RRP7A: variants seen among roughly 807,000 people sequenced by gnomAD.
RRP7A encodes ribosomal RNA processing 7 homolog A, also known as ribosomal RNA-processing protein 7 homolog A.
Under a neutral mutation model 38.4 loss-of-function variants are expected in RRP7A, and 27 were observed. The ratio of observed to expected loss-of-function variants is 0.70; its 90% CI spans 0.52 to 0.97. The LOEUF is 0.97. Ranked by LOEUF, RRP7A falls within the 50% of genes least tolerant of loss-of-function variation. RRP7A has a pLI of 0.00. For missense variants in RRP7A, 327 were observed against 375.4 expected (o/e 0.87, Z 1.07); for synonymous variants, 124 against 150.3 (o/e 0.83, Z 1.28).
At chr22:42,513,711 A>C (rs1410607222) in intron 6 of RRP7A, among the ~76,000 whole-genome samples, 22 of 148,138 alleles carry the variant, frequency 1.5e-4, no homozygotes, top group African/African-American at 5.2e-4. Context: ...ACACACACAC[A>C]CACCCACCAC....
chr22:42,512,817 T>C lies in RRP7A; in HGVS notation c.*93A>G. On this transcript the variant is annotated 3_prime_UTR_variant, in exon 7 of 7. Transcript: ENST00000323013. ...CGGTGGCCTTCAACCTGGGGCCCGT[T>C]GGCCAGAGCTCGGCCTCTCAGAGAC... 4 of 1,340,170 alleles carry C rather than the reference T, an allele frequency of 3.0e-6. No individual in the cohort carries two copies. Among genetic ancestry groups the C allele is most frequent in the Non-Finnish European group, 4.2e-6 (4 of 950,068 alleles). 83.0% of individuals were successfully genotyped at this position (1,340,170 alleles called of 1,614,324 possible).
At chr22:42,516,528 G>A in intron 2 of RRP7A, 1 of 360,994 alleles carries the variant, frequency 2.8e-6, no homozygotes, top group East Asian at 7.4e-5. Context: ...GGCCAGGCTG[G>A]TCTTGAACTC....
In RRP7A at chr22:42,510,757, C is replaced by A. The variant is rs188762316; in HGVS notation, c.*2153G>T. 72 of 1,471,944 alleles carry A rather than the reference C, an allele frequency of 4.9e-5. 1 individual carries two copies. The South Asian group carries it at 6.6e-4, about 13-fold the overall frequency. The allele number at this position is 1,471,944 out of a possible 1,614,324, so 91.2% of individuals were successfully genotyped here. A position where few individuals can be genotyped will look rare whatever the true frequency, so the allele number is the denominator to read the frequency against. The stretch of plus-strand genomic sequence containing the variant: ...GGGGCTCAGGCAGCTGGTGTCCAGC[C>A]ACTGTCGCCCACTCTGGTCCCACCT... On this transcript the variant is annotated 3_prime_UTR_variant, in exon 7 of 7. Coordinates refer to ENST00000323013, the MANE Select transcript of RRP7A (RefSeq NM_015703.5).
intron 6 of RRP7A, 111 bp downstream of exon 6, chr22:42,513,995 C>G (rs369818626): frequency 1.1e-6 from 1 of 926,462 alleles, no homozygotes; most frequent in Non-Finnish European, 1.6e-6. Flanking sequence ...GGGACGCCCT[C>G]CCTCCTCGAC....
In RRP7A at chr22:42,519,762, C is replaced by T. The variant is rs760322405; in HGVS notation, c.25G>A (p.Ala9Thr). MVARRRKC[A>T]ARDPEDRIPS... is the part of the protein sequence containing the mutation. ...ATACGGTCCTCCGGGTCCCGCGCGG[C>T]GCACTTCCTCCTGCGCGCCACCATC... The change falls in exon 1 of 7, where the codon GCC becomes ACC. Residue 9 changes from alanine (A) to threonine (T), a missense_variant. Transcript: ENST00000323013. The T allele has an allele frequency of 3.4e-6, 5 of 1,451,148 alleles. No homozygotes were observed. The highest frequency in any genetic ancestry group is 4.5e-6 in the Non-Finnish European group (5 of 1,103,494). 89.9% of individuals were successfully genotyped at this position (1,451,148 alleles called of 1,614,324 possible).
chr22:42,516,039 G>C lies in RRP7A; in HGVS notation c.314C>G (p.Ser105Trp). The C allele has an allele frequency of 6.2e-7, 1 of 1,606,116 alleles. No homozygotes were observed. Among genetic ancestry groups the C allele is most frequent in the Non-Finnish European group, 8.5e-7 (1 of 1,175,194 alleles). ...AACTGGCTTGGGATGAAAAAACTTC[G>C]ACCTTGACTCCTTTGGGCTCTCAGC... ...DLAESPKESRSKFFHPKPVPG... is the reference protein window; with the variant it reads ...DLAESPKESRWKFFHPKPVPG... Residue 105 changes from serine to tryptophan, a missense_variant, in exon 3 of 7, where the codon TCG (serine) becomes TGG (tryptophan). By Grantham distance (177) the Ser-to-Trp change is radical (BLOSUM62 -3). This residue lies in a region of RRP7A where 183 missense variants were observed against 141.8 expected (regional missense o/e 1.29). Coordinates refer to ENST00000323013, the MANE Select transcript of RRP7A (RefSeq NM_015703.5).
At chr22:42,514,032 A>T (rs148135124) in intron 6 of RRP7A, 74 bp downstream of exon 6, 151,380 of 1,338,526 alleles carry the variant, frequency 0.11, 10,078 homozygotes, top group Admixed American at 0.21. Context: ...CGCCCTCAGG[A>T]GCACTGGCCA....
At position 42,508,903 on chromosome 22, in the gene RRP7A, C is replaced by T; in HGVS notation, c.*4007G>A. 1 of 1,327,606 alleles carries T rather than the reference C, an allele frequency of 7.5e-7. No individual in the cohort carries two copies. The highest frequency in any genetic ancestry group is 1.1e-6 in the Non-Finnish European group (1 of 947,774). The allele number at this position is 1,327,606 out of a possible 1,614,324, so 82.2% of individuals were successfully genotyped here. A position where few individuals can be genotyped will look rare whatever the true frequency, so the allele number is the denominator to read the frequency against. On this transcript the variant is annotated 3_prime_UTR_variant, in exon 7 of 7. Transcript: ENST00000323013. ...AGGCAGTGATGTGGGGTCCTGGGCT[C>T]AGACCCAGGGTGGGTGGCTAAGGTG...
chr22:42,509,061 C>G lies in RRP7A; in HGVS notation c.*3849G>C. 6.2e-7 allele frequency: 1 copy of G among 1,612,072 alleles called. No homozygotes were observed. Among genetic ancestry groups the G allele is most frequent in the South Asian group, 1.1e-5 (1 of 91,080 alleles). ...CAGCATTGACTTCGTCAGCAGGGAGCTGTGTGCGCATTCCATCAGGAAGCT... is the reference window on the plus strand; with the variant it reads ...CAGCATTGACTTCGTCAGCAGGGAGGTGTGTGCGCATTCCATCAGGAAGCT... On this transcript the variant is annotated 3_prime_UTR_variant, in exon 7 of 7. Coordinates refer to ENST00000323013, the MANE Select transcript of RRP7A (RefSeq NM_015703.5).
At position 42,509,061 on chromosome 22, in the gene RRP7A, C is replaced by T. The variant is rs1284343382; in HGVS notation, c.*3849G>A. On this transcript the variant is annotated 3_prime_UTR_variant, in exon 7 of 7. Transcript: ENST00000323013. ...CAGCATTGACTTCGTCAGCAGGGAG[C>T]TGTGTGCGCATTCCATCAGGAAGCT... The T allele has an allele frequency of 1.9e-6, 3 of 1,612,072 alleles. No homozygotes were observed. Among genetic ancestry groups the T allele is most frequent in the South Asian group, 2.2e-5 (2 of 91,080 alleles).
intron 5 of RRP7A, 84 bp from the exon 6 acceptor site, chr22:42,514,388 G>C: frequency 1.0e-6 from 1 of 976,388 alleles, no homozygotes; most frequent in Non-Finnish European, 1.5e-6. Flanking sequence ...CCCAAAGTCA[G>C]AACTGCCCTG....
Position 42,514,291 on chromosome 22 carries a change from G to T in RRP7A, c.572C>A (p.Ala191Asp). ...GTCAGGGACCCCCTCCTCCTCCTTGGCCTTAGCTTCTTCCTGCAAGGAAGG... is the reference window on the plus strand; with the variant it reads ...GTCAGGGACCCCCTCCTCCTCCTTGTCCTTAGCTTCTTCCTGCAAGGAAGG... ...DQKIAEEEAK[A>D]KEEEGVPDEE... The change falls in exon 6 of 7, where the codon GCC becomes GAC. Residue 191 changes from alanine to aspartate, a missense_variant. Ala to Asp is a moderately radical substitution (Grantham distance 126). Around this residue, in one of 5 missense-constraint regions of RRP7A, gnomAD observed 46 missense variants for 93.0 expected, o/e 0.49. Coordinates refer to ENST00000323013, the MANE Select transcript of RRP7A (RefSeq NM_015703.5). 6.3e-7 allele frequency: 1 copy of T among 1,580,452 alleles called. No individual in the cohort carries two copies. Among genetic ancestry groups the T allele is most frequent in the Non-Finnish European group, 8.6e-7 (1 of 1,159,024 alleles).
intron 1 of RRP7A, 55 bp from the exon 2 acceptor site, chr22:42,518,202 C>A (rs1217333654): frequency 6.9e-7 from 1 of 1,447,998 alleles, no homozygotes; most frequent in East Asian, 2.3e-5. Context: ...CTGAGGCCAG[C>A]GAGACACTCA....
chr22:42,509,676 G>A lies in RRP7A; in HGVS notation c.*3234C>T, dbSNP rs1392768217. Among the ~76,000 whole-genome samples, 1 of 151,912 alleles carries A rather than the reference G, an allele frequency of 6.6e-6. No homozygotes were observed. The highest frequency in any genetic ancestry group is 2.4e-5 in the African/African-American group (1 of 41,332). The stretch of plus-strand genomic sequence containing the variant: ...ATAAAAAGAAACGAAGCACTGACAT[G>A]GGCTCCAGCATGGATGAGCCTTGAA... On this transcript the variant is annotated 3_prime_UTR_variant, in exon 7 of 7. Coordinates refer to ENST00000323013, the MANE Select transcript of RRP7A (RefSeq NM_015703.5).
In RRP7A at chr22:42,514,126, T is replaced by C. The variant is rs1920924097; in HGVS notation, c.737A>G (p.His246Arg). Residue 246 changes from histidine to arginine, a missense_variant, in exon 6 of 7, where the codon CAT becomes CGT. This residue lies in a region of RRP7A where 84 missense variants were observed against 82.8 expected (regional missense o/e 1.01). Coordinates refer to ENST00000323013, the MANE Select transcript of RRP7A (RefSeq NM_015703.5). The part of the protein sequence containing the change: ...KELLNFYAWQ[H>R]RESKMEHLAQ... ...CTTACGCTCCATCTTGCTCTCTCGA[T>C]GCTGCCAGGCGTAGAAGTTGAGCAG... is the stretch of plus-strand genomic sequence containing the variant. The C allele has an allele frequency of 1.2e-6, 2 of 1,613,172 alleles. No individual in the cohort carries two copies. The highest frequency in any genetic ancestry group is 1.7e-5 in the Admixed American group (1 of 59,922).
rs1555985853 is a variant in RRP7A, at chr22:42,509,850, G to GGGGTGTGTGTGTGTGTGT, written c.*3059_*3060insACACACACACACACACCC. 5.3e-5 allele frequency: 3 copies of GGGGTGTGTGTGTGTGTGT among 56,864 alleles called. No homozygotes were observed. Among genetic ancestry groups the GGGGTGTGTGTGTGTGTGT allele is most frequent in the African/African-American group, 6.9e-5 (1 of 14,558 alleles). 3.5% of individuals were successfully genotyped at this position (56,864 alleles called of 1,614,324 possible). The stretch of plus-strand genomic sequence containing the variant: ...AAGCCTGTTGGGGGTGGGGGGGTGG[G>GGGGTGTGTGTGTGTGTGT]GTGTGTGTGTGTGTGTGTAAGCTCA... On this transcript the variant is annotated 3_prime_UTR_variant, in exon 7 of 7. Transcript: ENST00000323013.
rs542158826 is a variant in RRP7A, at chr22:42,512,061, T to A, written c.*849A>T. On this transcript the variant is annotated 3_prime_UTR_variant, in exon 7 of 7. Coordinates refer to ENST00000323013, the MANE Select transcript of RRP7A (RefSeq NM_015703.5). The stretch of plus-strand genomic sequence containing the variant: ...GGGAGGGCCCTGACCCCGGGGCCCA[T>A]GGAGCTCCCTAGGCTCCTCTGGCCA... 2.2e-6 allele frequency: 3 copies of A among 1,365,220 alleles called. No individual in the cohort carries two copies. The East Asian group carries it at 6.8e-5, about 31-fold the overall frequency. The allele number at this position is 1,365,220 out of a possible 1,614,324, so 84.6% of individuals were successfully genotyped here.
At position 42,511,763 on chromosome 22, in the gene RRP7A, G is replaced by A. The variant is rs530046766; in HGVS notation, c.*1147C>T. 99 of 205,832 alleles carry A rather than the reference G, an allele frequency of 4.8e-4. 1 individual carries two copies. The highest frequency in any genetic ancestry group is 1.6e-3 in the African/African-American group (67 of 43,120). The allele number at this position is 205,832 out of a possible 1,614,324, so 12.8% of individuals were successfully genotyped here. A position where few individuals can be genotyped will look rare whatever the true frequency, so the allele number is the denominator to read the frequency against. On this transcript the variant is annotated 3_prime_UTR_variant, in exon 7 of 7. Transcript: ENST00000323013. ...GGCCTTCCTGTCTGGCTTCTTGAAG[G>A]CAGACACAAGTCTGCAGGCTGCTCA...
At chr22:42,515,553 A>T (rs374118263) in intron 3 of RRP7A, among the ~76,000 whole-genome samples, 1 of 152,310 alleles carries the variant, frequency 6.6e-6, no homozygotes, top group East Asian at 1.9e-4. Flanking sequence ...GCGGTGAAAC[A>T]CAGGGGTCGC....
Sources: gnomAD v4.1 joint callset for allele counts (sites outside exome capture counted in the v4.1 genomes callset) on GRCh38, gnomAD v4.1.1 for gene constraint, gnomAD v4.1.1 regional missense constraint, MANE v1.5 for transcripts, NCBI Gene and HGNC (gene_info 2026-07-23, HGNC 2026-07-21) for gene names.